The following TMCC1 variants were observed in gnomAD, a reference collection of about 807,000 sequenced individuals.
The protein encoded by TMCC1 is transmembrane and coiled-coil domains protein 1.
Under a neutral mutation model 52.4 loss-of-function variants are expected in TMCC1, and 15 were observed. The ratio of observed to expected loss-of-function variants is 0.29; its 90% CI spans 0.19 to 0.44. The LOEUF (loss-of-function observed/expected upper bound fraction) is 0.44, where lower values mean the gene tolerates loss of function less well. Among genes scored for constraint, TMCC1 ranks in the 20% least tolerant of loss-of-function variants. TMCC1 has a pLI of 1.00. For missense variants in TMCC1, 503 were observed against 806.0 expected (o/e 0.62, Z 4.55); for synonymous variants, 279 against 301.9 (o/e 0.92, Z 0.79).
At chr3:129,810,005 G>C (rs1196477156) in intron 4 of TMCC1, among the ~76,000 whole-genome samples, 1 of 152,134 alleles carries the variant, frequency 6.6e-6, no homozygotes, top group Non-Finnish European at 1.5e-5. Context: ...TTGAATTTCT[G>C]TACTAATCCA....
At chr3:129,854,595 G>C (rs1430816689) in intron 2 of TMCC1, among the ~76,000 whole-genome samples, 1 of 151,976 alleles carries the variant, frequency 6.6e-6, no homozygotes, top group Non-Finnish European at 1.5e-5. Flanking sequence ...AGCCATGCTA[G>C]CCTTAATTAG....
At chr3:129,858,205 G>A (rs1050063137) in intron 2 of TMCC1, among the ~76,000 whole-genome samples, 3 of 152,118 alleles carry the variant, frequency 2.0e-5, no homozygotes, top group African/African-American at 7.2e-5. Flanking sequence ...TCTACCACAT[G>A]TGTCCCTCTA....
chr3:129,737,356 C>T (rs1362972970), intron 4 of TMCC1, among the ~76,000 whole-genome samples: 3 of 152,112 alleles, frequency 2.0e-5, no homozygotes, highest in East Asian at 3.9e-4. Flanking sequence ...TGGCACACAC[C>T]TGTAATCGCA....
At chr3:129,887,520 G>A (rs546415422) in intron 1 of TMCC1, among the ~76,000 whole-genome samples, 4 of 139,490 alleles carry the variant, frequency 2.9e-5, no homozygotes, top group South Asian at 2.2e-4. Context: ...CCAACCTGGC[G>A]ACAGAGCAAG....
chr3:129,672,322 G>A (rs2088021638), intron 4 of TMCC1, among the ~76,000 whole-genome samples: 1 of 152,140 alleles, frequency 6.6e-6, no homozygotes. Flanking sequence ...TCTTGGCCAG[G>A]CACAGTGGCT....
At chr3:129,850,673 AAT>A (rs2059877434) in intron 2 of TMCC1, among the ~76,000 whole-genome samples, 1 of 152,194 alleles carries the variant, frequency 6.6e-6, no homozygotes, top group Non-Finnish European at 1.5e-5. Flanking sequence ...CACACACAGA[AAT>A]AGAGAGGTGT....
At chr3:129,859,058 G>A (rs2060265952) in intron 2 of TMCC1, among the ~76,000 whole-genome samples, 1 of 152,096 alleles carries the variant, frequency 6.6e-6, no homozygotes, top group South Asian at 2.1e-4. Flanking sequence ...GGAACAAAAA[G>A]AATCTTGTAG....
chr3:129,781,926 A>T lies in TMCC1; in HGVS notation c.576+45877T>A, dbSNP rs770598371. ...AATTTTAGGTATATTTAAAAAGTGG[A>T]GCCAAGATAATTTGCTGATATACTG... is the stretch of plus-strand genomic sequence containing the variant. On this transcript the variant is annotated intron_variant, in intron 4 of 6. Coordinates refer to ENST00000393238, the MANE Select transcript of TMCC1 (RefSeq NM_001017395.5). 4.1e-4 allele frequency among the ~76,000 whole-genome samples: 63 copies of T among 152,168 alleles called. 1 individual carries two copies. The highest frequency in any genetic ancestry group is 2.4e-4 in the Non-Finnish European group (16 of 68,008).
At chr3:129,718,585 A>G (rs544017044) in intron 4 of TMCC1, among the ~76,000 whole-genome samples, 1 of 152,380 alleles carries the variant, frequency 6.6e-6, no homozygotes, top group South Asian at 2.1e-4. Flanking sequence ...ATGACATTAC[A>G]AGAAAAAGTT....
At chr3:129,674,893 T>C (rs1214645413) in intron 4 of TMCC1, among the ~76,000 whole-genome samples, 1 of 152,176 alleles carries the variant, frequency 6.6e-6, no homozygotes, top group East Asian at 1.9e-4. Flanking sequence ...CAGGCTGAAG[T>C]GCAAAGGCGC....
Position 129,805,904 on chromosome 3 carries a change from C to T in TMCC1, c.576+21899G>A, listed in dbSNP as rs900057274. Among the ~76,000 whole-genome samples the T allele has an allele frequency of 5.9e-4, 90 of 151,978 alleles. 1 individual carries two copies. Among genetic ancestry groups the T allele is most frequent in the Non-Finnish European group, 3.2e-4 (22 of 67,994 alleles). The stretch of plus-strand genomic sequence containing the variant: ...CTATGATCTCACCACTGCACTCCAG[C>T]CTGGGCCACAGAGTAAGACCCTGTC... On this transcript the variant is annotated intron_variant, in intron 4 of 6. Coordinates refer to ENST00000393238, the MANE Select transcript of TMCC1 (RefSeq NM_001017395.5).
At chr3:129,692,225 T>C (rs990091776) in intron 4 of TMCC1, among the ~76,000 whole-genome samples, 2 of 152,234 alleles carry the variant, frequency 1.3e-5, no homozygotes, top group African/African-American at 4.8e-5. Flanking sequence ...ACTCTTCTTT[T>C]GTAATGTTTA....
intron 1 of TMCC1, among the ~76,000 whole-genome samples, chr3:129,888,601 G>C (rs1412077307): frequency 6.6e-6 from 1 of 152,140 alleles, no homozygotes; most frequent in Non-Finnish European, 1.5e-5. Context: ...AAAGAGAAAG[G>C]ATACAGGAGC....
At chr3:129,766,281 C>T (rs2054122240) in intron 4 of TMCC1, among the ~76,000 whole-genome samples, 1 of 152,128 alleles carries the variant, frequency 6.6e-6, no homozygotes, top group African/African-American at 2.4e-5. Flanking sequence ...GACAGCAACG[C>T]CCTGATGTGT....
chr3:129,692,117 A>G (rs554879218), intron 4 of TMCC1, among the ~76,000 whole-genome samples: 1 of 152,332 alleles, frequency 6.6e-6, no homozygotes, highest in African/African-American at 2.4e-5. Flanking sequence ...AATACTATAT[A>G]CAGTTTATTT....
chr3:129,797,989 TTTTTTTTTTTTC>T (rs1351994469), intron 4 of TMCC1, among the ~76,000 whole-genome samples: 4 of 150,460 alleles, frequency 2.7e-5, no homozygotes, highest in Non-Finnish European at 5.9e-5. Context: ...TGTGTGCCTT[TTTTTTTTTTTTC>T]TTTTTTTTTT....
At chr3:129,711,921 G>T (rs192289077) in intron 4 of TMCC1, among the ~76,000 whole-genome samples, 8 of 137,404 alleles carry the variant, frequency 5.8e-5, no homozygotes, top group African/African-American at 2.2e-4. Context: ...AGAATCGCTT[G>T]AATCCAGGAG....
intron 4 of TMCC1, among the ~76,000 whole-genome samples, chr3:129,808,833 T>G (rs561865258): frequency 6.6e-6 from 1 of 150,986 alleles, no homozygotes; most frequent in East Asian, 1.9e-4. Context: ...CATAAGCATG[T>G]TATTTAGAAA....
rs570263450 is a variant in TMCC1 at position 129,850,243 on chromosome 3, T to C, written c.-183-17417A>G. Among the ~76,000 whole-genome samples the C allele has an allele frequency of 5.3e-5, 8 of 152,230 alleles. 1 individual carries two copies. In the South Asian group the frequency reaches 1.2e-3, roughly 24 times the overall value. ...AGTGCCTTAAAAAGGCAAGACATTA[T>C]ACTATTTCAGCTGGGTCAATAAAAA... is the stretch of plus-strand genomic sequence containing the variant. On this transcript the variant is annotated intron_variant, in intron 2 of 6. Transcript: ENST00000393238.
Sources: allele counts gnomAD v4.1 joint callset (sites outside exome capture counted in the v4.1 genomes callset), GRCh38; gene constraint gnomAD v4.1.1; transcripts MANE v1.5; gene names NCBI Gene and HGNC (gene_info 2026-07-23, HGNC 2026-07-21).